Variants in ADGRV1 observed in about 807,000 individuals in gnomAD.
The protein encoded by ADGRV1 is adhesion G protein-coupled receptor V1, also known as G-protein coupled receptor 98.
In ADGRV1, 359 loss-of-function variants were observed where a neutral mutation model predicts 596.2. The observed-to-expected ratio is 0.60, with a 90% CI of 0.55 to 0.66. The LOEUF (loss-of-function observed/expected upper bound fraction) is 0.66, where lower values mean the gene tolerates loss of function less well. Among genes scored for constraint, ADGRV1 ranks in the 30% least tolerant of loss-of-function variants. ADGRV1 has a pLI of 0.00. For synonymous variants in ADGRV1, 2,681 were observed against 2,679.2 expected, an observed-to-expected ratio of 1.00 and a Z score of -0.02; for missense variants, 7,274 against 7,575.6, an observed-to-expected ratio of 0.96 and a Z score of 1.48.
At chr5:90,684,271 A>G in intron 28 of ADGRV1, 76 bp downstream of exon 28, 1 of 1,321,658 alleles carries the variant, frequency 7.6e-7, no homozygotes, top group Non-Finnish European at 1.0e-6. Flanking sequence ...ATTTTATTTA[A>G]TAGAAAATTC....
intron 87 of ADGRV1, among the ~76,000 whole-genome samples, chr5:91,143,641 TG>T (rs1479939029): frequency 6.6e-6 from 1 of 152,166 alleles, no homozygotes; most frequent in Admixed American, 6.5e-5. Context: ...GATTGGTTCA[TG>T]GGTGGCCATA....
intron 9 of ADGRV1, among the ~76,000 whole-genome samples, chr5:90,633,080 AGCTTTTG>A (rs1479952671): frequency 6.6e-6 from 1 of 152,190 alleles, no homozygotes; most frequent in East Asian, 1.9e-4. Context: ...TCTGAGATGC[AGCTTTTG>A]GCAAGCATGG....
Position 90,652,385 on chromosome 5 carries a change from A to G in ADGRV1, c.3456A>G (p.Val1152=), listed in dbSNP as rs2149463339. 6.2e-7 allele frequency: 1 copy of G among 1,609,294 alleles called. No individual in the cohort carries two copies. Reference sequence around the variant, plus strand: ...GAGGATACTTTGGTAGTGTTTCTGTATCTTGGCAGCTCTTTCAGAATGATT... The same window carrying G: ...GAGGATACTTTGGTAGTGTTTCTGTGTCTTGGCAGCTCTTTCAGAATGATT... ...RHRGYFGSVS[V]SWQLFQNDSA... The change falls in exon 19 of 90, where the codon GTA becomes GTG. Residue 1152 remains valine, a synonymous_variant. Transcript: ENST00000405460.
intron 84 of ADGRV1, among the ~76,000 whole-genome samples, chr5:90,980,622 C>T (rs554666056): frequency 4.7e-4 from 72 of 152,258 alleles, no homozygotes; most frequent in African/African-American, 1.7e-3. Flanking sequence ...TATTTTAGTA[C>T]AGTCTTTAGC....
At chr5:90,956,051 C>T (rs1021114931) in intron 83 of ADGRV1, among the ~76,000 whole-genome samples, 16 of 152,122 alleles carry the variant, frequency 1.1e-4, no homozygotes, top group Admixed American at 1.0e-3. Flanking sequence ...ATTAGTCTTG[C>T]TCAGTTTCTC....
intron 24 of ADGRV1, among the ~76,000 whole-genome samples, chr5:90,675,821 A>G (rs1773176462): frequency 6.6e-6 from 1 of 152,126 alleles, no homozygotes; most frequent in African/African-American, 2.4e-5. Context: ...AAATAAAAAA[A>G]GAAAAGAAAA....
At chr5:90,794,925 C>T (rs1760506704) in intron 70 of ADGRV1, among the ~76,000 whole-genome samples, 1 of 151,840 alleles carries the variant, frequency 6.6e-6, no homozygotes, top group African/African-American at 2.4e-5. Context: ...AGGGACTGAG[C>T]CTGAAGAACC....
intron 85 of ADGRV1, among the ~76,000 whole-genome samples, chr5:91,000,784 A>G (rs1397181981): frequency 6.6e-6 from 1 of 151,804 alleles, no homozygotes; most frequent in African/African-American, 2.4e-5. Context: ...TGAGTTGGCA[A>G]GCTGGAAAAC....
intron 85 of ADGRV1, among the ~76,000 whole-genome samples, chr5:91,065,372 C>T (rs1787798753): frequency 6.6e-6 from 1 of 152,204 alleles, no homozygotes; most frequent in South Asian, 2.1e-4. Flanking sequence ...ATTTATTGTC[C>T]TTTCACTACC....
chr5:90,701,121 C>T (rs573684737), intron 34 of ADGRV1, among the ~76,000 whole-genome samples: 1 of 152,178 alleles, frequency 6.6e-6, no homozygotes, highest in African/African-American at 2.4e-5. Context: ...TCAAGATGAT[C>T]GTCCAGTTAT....
rs539430538 is a variant in ADGRV1, at chr5:91,120,182, G to C, written c.18432+17842G>C. On this transcript the variant is annotated intron_variant, in intron 87 of 89. Coordinates refer to ENST00000405460, the MANE Select transcript of ADGRV1 (RefSeq NM_032119.4). The stretch of plus-strand genomic sequence containing the variant: ...GGAGCACGTGGTCAAGTGGGACTGT[G>C]TCTTGTAAAGAGGGATGAAGGGAGA... 2.6e-5 allele frequency among the ~76,000 whole-genome samples: 4 copies of C among 152,310 alleles called. No homozygotes were observed. The South Asian group carries it at 8.3e-4, about 32-fold the overall frequency.
intron 24 of ADGRV1, among the ~76,000 whole-genome samples, chr5:90,675,842 A>G: frequency 6.6e-6 from 1 of 151,678 alleles, no homozygotes; most frequent in South Asian, 2.1e-4. Context: ...GAAAGAAAGA[A>G]AAAAGAAATA....
chr5:90,764,418 C>A (rs1756861972), intron 59 of ADGRV1, among the ~76,000 whole-genome samples: 1 of 152,284 alleles, frequency 6.6e-6, no homozygotes, highest in South Asian at 2.1e-4. Context: ...GATTGAGCCA[C>A]TGAAAAAAGC....
chr5:90,888,778 G>T (rs753032581), intron 83 of ADGRV1, among the ~76,000 whole-genome samples: 1 of 151,966 alleles, frequency 6.6e-6, no homozygotes, highest in African/African-American at 2.4e-5. Flanking sequence ...TGTTGATGTT[G>T]GCATACTTTT....
In ADGRV1 at chr5:90,646,023, C is replaced by G. The variant is rs756759455; in HGVS notation, c.2954C>G (p.Ala985Gly). 2.5e-6 allele frequency: 4 copies of G among 1,605,534 alleles called. No homozygotes were observed. Among genetic ancestry groups the G allele is most frequent in the South Asian group, 2.2e-5 (2 of 89,588 alleles). The change falls in exon 16 of 90, where the codon GCT (alanine) becomes GGT (glycine). Residue 985 changes from alanine to glycine, a missense_variant. Around this residue, in one of 5 missense-constraint regions of ADGRV1, gnomAD observed 1,715 missense variants for 1,708.8 expected, o/e 1.00. Transcript: ENST00000405460. Reference protein sequence around the residue: ...TVILLNGTGGAKVGNRTTATL... With the variant: ...TVILLNGTGGGKVGNRTTATL... ...ATCCTACTGAATGGCACTGGAGGAG[C>G]TAAAGTGGGAAATAGAACAACTGCA...
intron 83 of ADGRV1, among the ~76,000 whole-genome samples, chr5:90,924,991 A>G (rs1225557099): frequency 1.3e-5 from 2 of 150,398 alleles, no homozygotes; most frequent in African/African-American, 2.4e-5. Context: ...ATTGATCTAT[A>G]TCTCTGTTTT....
At chr5:91,075,416 T>A (rs1383355253) in intron 86 of ADGRV1, among the ~76,000 whole-genome samples, 1 of 152,184 alleles carries the variant, frequency 6.6e-6, no homozygotes, top group Non-Finnish European at 1.5e-5. Context: ...CCCCTGCACC[T>A]CTTGAATATG....
Position 90,774,214 on chromosome 5 carries a change from A to G in ADGRV1, c.12314A>G (p.His4105Arg), listed in dbSNP as rs1166757954. The change falls in exon 60 of 90, where the codon CAC becomes CGC. Residue 4105 changes from histidine to arginine, a missense_variant. By Grantham distance (29) the His-to-Arg change is conservative. This residue lies in a region of ADGRV1 where 3,643 missense variants were observed against 3,809.2 expected (regional missense o/e 0.96). Coordinates refer to ENST00000405460, the MANE Select transcript of ADGRV1 (RefSeq NM_032119.4). Reference protein sequence around the residue: ...ETESQKTIVLHTLQDTVLEED... With the variant: ...ETESQKTIVLRTLQDTVLEED... ...GAGTCCCAGAAGACCATTGTGTTGC[A>G]CACACTTCAAGACACAGTGTTGGAG... 2 of 1,609,476 alleles carry G rather than the reference A, an allele frequency of 1.2e-6. No individual in the cohort carries two copies. The highest frequency in any genetic ancestry group is 3.3e-5 in the Admixed American group (2 of 59,828).
At chr5:90,935,408 T>C (rs1561966854) in intron 83 of ADGRV1, among the ~76,000 whole-genome samples, 1 of 152,208 alleles carries the variant, frequency 6.6e-6, no homozygotes. Flanking sequence ...TGCATCTCTC[T>C]GCTACATTCA....
Sources: allele counts gnomAD v4.1 joint callset (sites outside exome capture counted in the v4.1 genomes callset), GRCh38; gene constraint gnomAD v4.1.1; regional missense constraint gnomAD v4.1.1; transcripts MANE v1.5; gene names NCBI Gene and HGNC (gene_info 2026-07-23, HGNC 2026-07-21).